The following KLHL17 variants were observed in gnomAD, a reference collection of about 807,000 sequenced individuals.
The protein encoded by KLHL17 is kelch-like protein 17.
A neutral mutation model predicts 64.6 loss-of-function variants in KLHL17; 71 were observed. The observed-to-expected ratio is 1.10, with a 90% CI of 0.91 to 1.34. KLHL17 has a LOEUF of 1.34. Among genes scored for constraint, KLHL17 ranks in the 40% most tolerant of loss-of-function variants. KLHL17 has a pLI of 0.00. For missense variants in KLHL17, 1,140 were observed against 935.0 expected (o/e 1.22, Z -2.86); for synonymous variants, 612 against 405.4 (o/e 1.51, Z -6.12).
At chr1:962,322 C>T (rs755856413) in intron 4 of KLHL17, 33 bp from the exon 5 acceptor site, 22 of 1,611,472 alleles carry the variant, frequency 1.4e-5, no homozygotes, top group Middle Eastern at 1.6e-4. Context: ...AGGACCCTCC[C>T]CAGATCTCAG....
Position 963,390 on chromosome 1 carries a change from A to C in KLHL17, c.1241A>C (p.Asn414Thr). 1.2e-6 allele frequency: 2 copies of C among 1,612,552 alleles called. No homozygotes were observed. Among genetic ancestry groups the C allele is most frequent in the Non-Finnish European group, 1.7e-6 (2 of 1,179,814 alleles). ...ATVESYDPVT[N>T]TWQPEVSMGT... The stretch of plus-strand genomic sequence containing the variant: ...GTGGAGTCCTACGACCCCGTGACTA[A>C]CACGTGGCAGCCGGAGGTGTCCATG... Residue 414 changes from asparagine to threonine, a missense_variant, in exon 8 of 12, where the codon AAC becomes ACC. Transcript: ENST00000338591.
Position 961,964 on chromosome 1 carries a change from C to G in KLHL17, c.628C>G (p.Leu210Val). The G allele has an allele frequency of 1.2e-6, 2 of 1,612,958 alleles. No individual in the cohort carries two copies. The highest frequency in any genetic ancestry group is 8.5e-7 in the Non-Finnish European group (1 of 1,180,012). Reference protein sequence around the residue: ...FADAHSCSDLLKAAHRYVLQH... With the variant: ...FADAHSCSDLVKAAHRYVLQH... ...CGATGCGCACTCCTGCAGCGACCTG[C>G]TCAAGGCCGCCCACAGGTACGTGCT... The change falls in exon 4 of 12, where the codon CTC becomes GTC. Residue 210 changes from leucine (L) to valine (V), a missense_variant. Physicochemically the swap from Leu to Val is conservative, Grantham distance 32. Transcript: ENST00000338591.
chr1:961,585 C>A (rs574052453), intron 2 of KLHL17, 33 bp downstream of exon 2: 2 of 1,612,596 alleles, frequency 1.2e-6, no homozygotes, highest in Non-Finnish European at 1.7e-6. Context: ...CTGGGGGCTC[C>A]GTGGGTCCCT....
At chr1:963,070 G>A (rs374866324) in intron 6 of KLHL17, 39 bp from the exon 7 acceptor site, 63 of 1,603,322 alleles carry the variant, frequency 3.9e-5, no homozygotes, top group Non-Finnish European at 5.0e-5. Flanking sequence ...CCAGCAGTGG[G>A]ATCCACTCAC....
intron 8 of KLHL17, 120 bp downstream of exon 8, chr1:963,624 T>G: frequency 8.3e-7 from 1 of 1,210,984 alleles, no homozygotes; most frequent in Non-Finnish European, 1.1e-6. Flanking sequence ...CGAGGCCGTT[T>G]CACCCCAGGC....
rs1642770747 is a variant in KLHL17 at position 963,923 on chromosome 1, T to C, written c.1359T>C (p.Ala453=). ...GYDGASCLNS[A]ERYDPLTGTW... The stretch of plus-strand genomic sequence containing the variant: ...GCTGCGGTCCTGGTGCCCACAGTGC[T>C]GAACGCTACGACCCCCTGACCGGAA... Residue 453 remains alanine (A), a synonymous_variant, in exon 9 of 12, where the codon GCT becomes GCC. Coordinates refer to ENST00000338591, the MANE Select transcript of KLHL17 (RefSeq NM_198317.3). 2 of 1,612,310 alleles carry C rather than the reference T, an allele frequency of 1.2e-6. No individual in the cohort carries two copies. The highest frequency in any genetic ancestry group is 1.7e-6 in the Non-Finnish European group (2 of 1,179,870).
At chr1:962,242 C>T (rs529622514) in intron 4 of KLHL17, 113 bp from the exon 5 acceptor site, 12 of 1,545,144 alleles carry the variant, frequency 7.8e-6, no homozygotes, top group Middle Eastern at 1.7e-4. Context: ...TCGGCCCCTC[C>T]CAGTATGAAC....
Position 960,586 on chromosome 1 carries a change from G to A in KLHL17, c.-108G>A. 1 of 978,416 alleles carries A rather than the reference G, an allele frequency of 1.0e-6. No homozygotes were observed. Among genetic ancestry groups the A allele is most frequent in the Non-Finnish European group, 1.3e-6 (1 of 782,618 alleles). 60.6% of individuals were successfully genotyped at this position (978,416 alleles called of 1,614,324 possible). A position where few individuals can be genotyped will look rare whatever the true frequency, so the allele number is the denominator to read the frequency against. On this transcript the variant is annotated 5_prime_UTR_variant, in exon 1 of 12. Coordinates refer to ENST00000338591, the MANE Select transcript of KLHL17 (RefSeq NM_198317.3). ...CAGCGGCTGCGGGCGGGAGCGGCGG[G>A]AGTGAGCGACACAGAGCGGGCCGCC...
chr1:963,541 C>A, intron 8 of KLHL17, 37 bp downstream of exon 8: 2 of 1,564,952 alleles, frequency 1.3e-6, no homozygotes, highest in South Asian at 1.2e-5. Flanking sequence ...TTTGTACAGT[C>A]CATCTGCAAG....
At chr1:964,939 G>C (rs80351873) in intron 11 of KLHL17, 24 bp from the exon 12 acceptor site, 2 of 1,544,534 alleles carry the variant, frequency 1.3e-6, no homozygotes, top group Non-Finnish European at 1.8e-6. Context: ...CTGCAGCCAG[G>C]GGCTCACCCC....
rs779156970 is a variant in KLHL17, at chr1:961,506, A to G, written c.321A>G (p.Lys107=). ...CTGCCAAGGAGATCCGTGCGCACAA[A>G]GTGGTGCTGGCCTCCTGCAGCCCCT... The part of the protein sequence containing the change: ...HVAAKEIRAH[K]VVLASCSPYF... The change falls in exon 2 of 12, where the codon AAA becomes AAG. Residue 107 remains lysine, a synonymous_variant. Coordinates refer to ENST00000338591, the MANE Select transcript of KLHL17 (RefSeq NM_198317.3). 4 of 1,612,374 alleles carry G rather than the reference A, an allele frequency of 2.5e-6. No individual in the cohort carries two copies. The African/African-American group carries it at 5.3e-5, about 22-fold the overall frequency.
In KLHL17 at chr1:961,987, G is replaced by A. The variant is rs763674572; in HGVS notation, c.651G>A (p.Val217=). The change falls in exon 4 of 12, where the codon GTG becomes GTA. Residue 217 remains valine (V), a synonymous_variant. Coordinates refer to ENST00000338591, the MANE Select transcript of KLHL17 (RefSeq NM_198317.3). ...SDLLKAAHRY[V]LQHFVDVAKT... ...TGCTCAAGGCCGCCCACAGGTACGT[G>A]CTGCAGCACTTCGTGGACGTGGCCA... 6.2e-7 allele frequency: 1 copy of A among 1,612,930 alleles called. No homozygotes were observed. The highest frequency in any genetic ancestry group is 8.5e-7 in the Non-Finnish European group (1 of 1,180,026).
In KLHL17 at chr1:960,646, G is replaced by T. The variant is rs1181789234; in HGVS notation, c.-48G>T. 43 of 1,317,712 alleles carry T rather than the reference G, an allele frequency of 3.3e-5. No individual in the cohort carries two copies. The highest frequency in any genetic ancestry group is 4.0e-5 in the Non-Finnish European group (41 of 1,027,524). 81.6% of individuals were successfully genotyped at this position (1,317,712 alleles called of 1,614,324 possible). ...CAGCCCTCCGGCAGTCTCCGCGTCC[G>T]TTAAGCCCGCGGGTCCTCCGCGAAT... is the stretch of plus-strand genomic sequence containing the variant. On this transcript the variant is annotated 5_prime_UTR_variant, in exon 1 of 12. Transcript: ENST00000338591.
rs200240051 is a variant in KLHL17, at chr1:965,164, G to A, written c.1902G>A (p.Thr634=). ...ATTTCCCGCCGCCATCCTCCCCGAC[G>A]CTGTCCGTGTCCTCCACCAGCCTCT... is the stretch of plus-strand genomic sequence containing the variant. ...LLNFPPPSSP[T]LSVSSTSL is the part of the protein sequence containing the mutation. Residue 634 remains threonine, a synonymous_variant, in exon 12 of 12, where the codon ACG becomes ACA. Coordinates refer to ENST00000338591, the MANE Select transcript of KLHL17 (RefSeq NM_198317.3). The A allele has an allele frequency of 2.1e-4, 339 of 1,612,314 alleles. 1 individual carries two copies. The highest frequency in any genetic ancestry group is 1.2e-3 in the Middle Eastern group (7 of 6,056).
chr1:963,296 C>G (rs762942537), intron 7 of KLHL17, 41 bp from the exon 8 acceptor site: 18 of 1,599,396 alleles, frequency 1.1e-5, no homozygotes, highest in African/African-American at 8.0e-5. Flanking sequence ...GGCACGTGCC[C>G]GCCAGGCCAG....
Position 964,165 on chromosome 1 carries a change from G to C in KLHL17, c.1503G>C (p.Glu501Asp). Reference protein sequence around the residue: ...YDSSSHLATVEKYEPQVNVWS... With the variant: ...YDSSSHLATVDKYEPQVNVWS... ...GCTCCTCACACCTGGCCACTGTGGA[G>C]AAGTATGAGCCCCAGGTGCATAGTG... The change falls in exon 10 of 12, where the codon GAG (glutamate) becomes GAC (aspartate). Residue 501 changes from glutamate to aspartate, a missense_variant. Coordinates refer to ENST00000338591, the MANE Select transcript of KLHL17 (RefSeq NM_198317.3). 1 of 1,612,718 alleles carries C rather than the reference G, an allele frequency of 6.2e-7. No individual in the cohort carries two copies.
In KLHL17 at chr1:961,698, T is replaced by A; in HGVS notation, c.437T>A (p.Leu146Gln). 6.2e-7 allele frequency: 1 copy of A among 1,612,390 alleles called. No individual in the cohort carries two copies. Among genetic ancestry groups the A allele is most frequent in the Non-Finnish European group, 8.5e-7 (1 of 1,179,558 alleles). The part of the protein sequence containing the change: ...HDIDPQALDQ[L>Q]VQFAYTAEIV... ...ATCGACCCTCAGGCCTTGGACCAGC[T>A]GGTGCAGTTTGCCTACACGGCTGAG... The change falls in exon 3 of 12, where the codon CTG becomes CAG. Residue 146 changes from leucine to glutamine, a missense_variant. By Grantham distance (113) the Leu-to-Gln change is moderately radical. Transcript: ENST00000338591.
intron 4 of KLHL17, 151 bp from the exon 5 acceptor site, chr1:962,204 G>A (rs1482135446): frequency 2.2e-6 from 3 of 1,357,222 alleles, no homozygotes; most frequent in Non-Finnish European, 2.1e-6. Flanking sequence ...GGCCCCCCAG[G>A]AGCCTCGTCT....
chr1:961,232 C>G lies in KLHL17; in HGVS notation c.108-61C>G, dbSNP rs570848023. 2.3e-4 allele frequency: 281 copies of G among 1,209,650 alleles called. 1 individual carries two copies. The African/African-American group carries it at 4.1e-3, about 18-fold the overall frequency. 74.9% of individuals were successfully genotyped at this position (1,209,650 alleles called of 1,614,324 possible). On this transcript the variant is annotated intron_variant, in intron 1 of 11. Coordinates refer to ENST00000338591, the MANE Select transcript of KLHL17 (RefSeq NM_198317.3). Reference sequence around the variant, plus strand: ...CCCGCGGGCTGCCCGGGCCCCCCAGCGGCTCCAGGGCGGGCGGGCGGCTCC... The same window carrying G: ...CCCGCGGGCTGCCCGGGCCCCCCAGGGGCTCCAGGGCGGGCGGGCGGCTCC...
Sources: allele counts gnomAD v4.1 joint callset, GRCh38; gene constraint gnomAD v4.1.1; transcripts MANE v1.5; gene names NCBI Gene and HGNC (gene_info 2026-07-23, HGNC 2026-07-21).